The following MYO7B variants were observed in gnomAD, a reference collection of about 807,000 sequenced individuals.
The protein encoded by MYO7B is unconventional myosin-VIIb.
MYO7B carries 212 observed loss-of-function variants against 259.7 expected under a neutral mutation model. The ratio of observed to expected loss-of-function variants is 0.82; its 90% CI spans 0.73 to 0.91. MYO7B has a LOEUF of 0.91. Ranked by LOEUF, MYO7B falls within the 40% of genes least tolerant of loss-of-function variation. The probability of loss-of-function intolerance (pLI) is 0.00; values close to 1 mark genes in which losing one functional copy is unlikely to be tolerated. For synonymous variants in MYO7B, 1,197 were observed against 1,166.4 expected, an observed-to-expected ratio of 1.03 and a Z score of -0.54; for missense variants, 2,732 against 2,813.5, an observed-to-expected ratio of 0.97 and a Z score of 0.66.
chr2:127,572,607 CTCTT>C (rs926628372), intron 6 of MYO7B, among the ~76,000 whole-genome samples: 6 of 147,358 alleles, frequency 4.1e-5, no homozygotes, highest in Non-Finnish European at 7.5e-5. Flanking sequence ...TTCTCCTTCT[CTCTT>C]TGTTTGTTTT....
At chr2:127,581,771 A>G in intron 10 of MYO7B, 120 bp from the exon 11 acceptor site, 1 of 1,407,790 alleles carries the variant, frequency 7.1e-7, no homozygotes, top group Non-Finnish European at 9.5e-7. Flanking sequence ...GGCAGCGCCC[A>G]CCCTCCGGTG....
chr2:127,550,689 TG>T, intron 1 of MYO7B, among the ~76,000 whole-genome samples: 2 of 151,596 alleles, frequency 1.3e-5, no homozygotes, highest in Admixed American at 1.3e-4. Flanking sequence ...GTGGAGGCAG[TG>T]TTATGGGGTG....
intron 1 of MYO7B, among the ~76,000 whole-genome samples, chr2:127,540,957 G>A (rs1036799183): frequency 9.2e-5 from 14 of 152,190 alleles, no homozygotes; most frequent in Admixed American, 3.3e-4. Context: ...TATCTCTACA[G>A]CTTAGGAAGT....
chr2:127,552,820 T>G (rs1244928649), intron 1 of MYO7B, among the ~76,000 whole-genome samples: 1 of 152,206 alleles, frequency 6.6e-6, no homozygotes, highest in Non-Finnish European at 1.5e-5. Context: ...AAGAGCTGTC[T>G]GGGAGCCAGG....
intron 1 of MYO7B, among the ~76,000 whole-genome samples, chr2:127,538,173 A>G (rs1036140695): frequency 3.9e-5 from 6 of 152,148 alleles, no homozygotes; most frequent in African/African-American, 1.4e-4. Flanking sequence ...GGGATGTTCC[A>G]GGTGGAGGAA....
At position 127,636,489 on chromosome 2, in the gene MYO7B, G is replaced by A. The variant is rs1254782357; in HGVS notation, c.6124-56G>A. Reference sequence around the variant, plus strand: ...GCGTGTGGCCTAGATGAGCTCCTGGGAGGTGCAGCCTGGCCTCCCGGGCTG... The same window carrying A: ...GCGTGTGGCCTAGATGAGCTCCTGGAAGGTGCAGCCTGGCCTCCCGGGCTG... On this transcript the variant is annotated intron_variant, in intron 45 of 47. Transcript: ENST00000409816. This position sits in a 1 kb window ranked among gnomAD's most constrained non-coding sequence, Gnocchi z 4.5. 8 of 1,543,284 alleles carry A rather than the reference G, an allele frequency of 5.2e-6. No homozygotes were observed. Among genetic ancestry groups the A allele is most frequent in the Non-Finnish European group, 7.1e-6 (8 of 1,130,482 alleles).
At chr2:127,630,996 C>A in intron 36 of MYO7B, 88 bp downstream of exon 36, 1 of 1,415,920 alleles carries the variant, frequency 7.1e-7, no homozygotes, top group Non-Finnish European at 9.6e-7. Flanking sequence ...AGCCCCGCTC[C>A]ACCTCATTGC....
rs996228959 is a variant in MYO7B, at chr2:127,585,039, A to G, written c.1690+126A>G. 9.6e-6 allele frequency: 12 copies of G among 1,255,982 alleles called. No individual in the cohort carries two copies. In the African/African-American group the frequency reaches 1.6e-4, roughly 17 times the overall value. The allele number at this position is 1,255,982 out of a possible 1,614,324, so 77.8% of individuals were successfully genotyped here. A position where few individuals can be genotyped will look rare whatever the true frequency, so the allele number is the denominator to read the frequency against. The stretch of plus-strand genomic sequence containing the variant: ...GCAATGGGGCAGAGGGATGAGTAGT[A>G]TGGCTTCTACTGGAGAAAGAAAATG... On this transcript the variant is annotated intron_variant, in intron 14 of 47. Coordinates refer to ENST00000409816, the MANE Select transcript of MYO7B (RefSeq NM_001393586.1). The surrounding 1 kb of genome is among the most constrained non-coding windows in gnomAD (Gnocchi z 4.3).
In MYO7B at chr2:127,625,430, G is replaced by A. The variant is rs758699515; in HGVS notation, c.4110G>A (p.Glu1370=). The A allele has an allele frequency of 2.9e-5, 47 of 1,611,370 alleles. No homozygotes were observed. The South Asian group carries it at 4.6e-4, about 16-fold the overall frequency. Residue 1370 remains glutamate, a synonymous_variant, in exon 31 of 48, where the codon GAG becomes GAA. Transcript: ENST00000409816. ...HCYVQLGASA[E]SKAVQELLPS... is the part of the protein sequence containing the mutation. ...ACGTGCAGCTCGGCGCCTCAGCAGAGAGCAAGGCTGTCCAGGAGCTGCTGC... is the reference window on the plus strand; with the variant it reads ...ACGTGCAGCTCGGCGCCTCAGCAGAAAGCAAGGCTGTCCAGGAGCTGCTGC...
At chr2:127,634,499 C>A (rs1288832453) in intron 41 of MYO7B, 97 bp from the exon 42 acceptor site, 6 of 1,149,636 alleles carry the variant, frequency 5.2e-6, no homozygotes, top group East Asian at 2.6e-5. Context: ...AGCGCAGCAC[C>A]CAGGCCGTAG....
intron 7 of MYO7B, among the ~76,000 whole-genome samples, chr2:127,575,800 T>C (rs1439210867): frequency 1.3e-5 from 2 of 152,052 alleles, no homozygotes; most frequent in Non-Finnish European, 2.9e-5. Context: ...TTCTTATTTT[T>C]TGTAGAGGTG....
chr2:127,573,239 T>C (rs1166818282), intron 6 of MYO7B, among the ~76,000 whole-genome samples: 1 of 152,172 alleles, frequency 6.6e-6, no homozygotes, highest in Admixed American at 6.5e-5. Context: ...TCAAATATCA[T>C]AGAATAGAAA....
chr2:127,548,498 C>T (rs1693323026), intron 1 of MYO7B, among the ~76,000 whole-genome samples: 1 of 151,656 alleles, frequency 6.6e-6, no homozygotes, highest in Admixed American at 6.6e-5. Flanking sequence ...TCACTGCCAC[C>T]TCTGCCTCCC....
In MYO7B at chr2:127,614,912, G is replaced by A. The variant is rs1308806136; in HGVS notation, c.3398+2309G>A. ...AGCATCCATTTGTCCTTGGCTGCAGGGCCTTGGTGAAATTCCCAGACAAAG... is the reference window on the plus strand; with the variant it reads ...AGCATCCATTTGTCCTTGGCTGCAGAGCCTTGGTGAAATTCCCAGACAAAG... On this transcript the variant is annotated intron_variant, in intron 26 of 47. Transcript: ENST00000409816. The surrounding 1 kb of genome is among the most constrained non-coding windows in gnomAD (Gnocchi z 4.6). Among the ~76,000 whole-genome samples, 1 of 152,136 alleles carries A rather than the reference G, an allele frequency of 6.6e-6. No homozygotes were observed. The highest frequency in any genetic ancestry group is 2.4e-5 in the African/African-American group (1 of 41,416).
chr2:127,624,032 C>A, intron 29 of MYO7B, 61 bp from the exon 30 acceptor site: 1 of 1,439,262 alleles, frequency 6.9e-7, no homozygotes, highest in Non-Finnish European at 9.4e-7. Context: ...TGACGGTGGG[C>A]GTCCCCGTGG....
In MYO7B at chr2:127,623,195, TC is replaced by T; in HGVS notation, c.3646-3del. 1 of 1,613,218 alleles carries T rather than the reference TC, an allele frequency of 6.2e-7. No homozygotes were observed. On this transcript the variant is annotated splice_region_variant and splice_polypyrimidine_tract_variant and intron_variant, in intron 28 of 47. Coordinates refer to ENST00000409816, the MANE Select transcript of MYO7B (RefSeq NM_001393586.1). ...AGGCCAGGGAACTGAATCTCATCTG[TC>T]CCCAGGCTGTCAAGTCCAAGAAGCA...
At chr2:127,629,323 C>T (rs1223832606) in intron 34 of MYO7B, among the ~76,000 whole-genome samples, 4 of 152,202 alleles carry the variant, frequency 2.6e-5, no homozygotes, top group Non-Finnish European at 4.4e-5. Context: ...TCAGGCCAGG[C>T]GTGGGGACTG....
At chr2:127,620,282 C>T in intron 26 of MYO7B, 58 bp from the exon 27 acceptor site, 1 of 1,557,582 alleles carries the variant, frequency 6.4e-7, no homozygotes, top group South Asian at 1.2e-5. Context: ...CCAGGTACCC[C>T]TGTCTCCTCT....
Position 127,628,083 on chromosome 2 carries a change from C to G in MYO7B, c.4461-289C>G. ...AGCCGGCAGCTCATCTCAGCTCTGA[C>G]CTTTGCAGTGTCCCTGCGGTGTCAC... is the stretch of plus-strand genomic sequence containing the variant. On this transcript the variant is annotated intron_variant, in intron 33 of 47. Coordinates refer to ENST00000409816, the MANE Select transcript of MYO7B (RefSeq NM_001393586.1). This position sits in a 1 kb window ranked among gnomAD's most constrained non-coding sequence, Gnocchi z 4.8. 1.7e-6 allele frequency: 1 copy of G among 601,530 alleles called. No individual in the cohort carries two copies. Among genetic ancestry groups the G allele is most frequent in the Non-Finnish European group, 3.1e-6 (1 of 320,542 alleles). 37.3% of individuals were successfully genotyped at this position (601,530 alleles called of 1,614,324 possible). A position where few individuals can be genotyped will look rare whatever the true frequency, so the allele number is the denominator to read the frequency against.
Sources: allele counts gnomAD v4.1 joint callset (sites outside exome capture counted in the v4.1 genomes callset), GRCh38; gene constraint gnomAD v4.1.1; non-coding constraint Gnocchi (gnomAD v3.1); transcripts MANE v1.5; gene names NCBI Gene and HGNC (gene_info 2026-07-23, HGNC 2026-07-21).